SLC24A3: variants seen among roughly 807,000 people sequenced by gnomAD.
SLC24A3 encodes the protein solute carrier family 24 member 3.
A neutral mutation model predicts 75.8 loss-of-function variants in SLC24A3; 28 were observed. The observed-to-expected ratio is 0.37, with a 90% CI of 0.27 to 0.51. The LOEUF is 0.51. Among genes scored for constraint, SLC24A3 ranks in the 20% least tolerant of loss-of-function variants. SLC24A3 has a pLI of 0.94. For synonymous variants in SLC24A3, 372 were observed against 334.1 expected, an observed-to-expected ratio of 1.11 and a Z score of -1.24; for missense variants, 663 against 847.8, an observed-to-expected ratio of 0.78 and a Z score of 2.71.
At chr20:19,327,692 G>A (rs559059314) in intron 2 of SLC24A3, among the ~76,000 whole-genome samples, 19 of 152,352 alleles carry the variant, frequency 1.2e-4, no homozygotes, top group Admixed American at 5.9e-4. Context: ...GCCTCAGGAC[G>A]CCTGTGGCTT....
intron 2 of SLC24A3, among the ~76,000 whole-genome samples, chr20:19,387,022 A>G (rs1986283891): frequency 6.6e-6 from 1 of 151,860 alleles, no homozygotes; most frequent in South Asian, 2.1e-4. Flanking sequence ...CAATCTCCTT[A>G]CTCGTTATTG....
chr20:19,652,499 T>C (rs1002288563), intron 6 of SLC24A3, among the ~76,000 whole-genome samples: 2 of 152,158 alleles, frequency 1.3e-5, no homozygotes, highest in African/African-American at 4.8e-5. Flanking sequence ...GAAAAAAGGG[T>C]AAAGAATACT....
At chr20:19,553,008 C>T (rs1027760331) in intron 3 of SLC24A3, among the ~76,000 whole-genome samples, 6 of 151,634 alleles carry the variant, frequency 4.0e-5, no homozygotes, top group African/African-American at 1.2e-4. Context: ...CCCTCGTTCC[C>T]TCCATCCCTC....
intron 2 of SLC24A3, among the ~76,000 whole-genome samples, chr20:19,362,026 T>C (rs911775721): frequency 6.6e-6 from 1 of 152,182 alleles, no homozygotes; most frequent in Non-Finnish European, 1.5e-5. Flanking sequence ...TTTAGAAATC[T>C]TAAGTTCTGG....
rs547048402 is a variant in SLC24A3, at chr20:19,373,540, A to T, written c.271+92453A>T. 4.6e-5 allele frequency among the ~76,000 whole-genome samples: 7 copies of T among 152,298 alleles called. No homozygotes were observed. The East Asian group carries it at 1.4e-3, about 29-fold the overall frequency. ...TGTCTGGGATGATTCCTAACTCTTG[A>T]GGGACACTGAGCCCATGGAGGATCT... On this transcript the variant is annotated intron_variant, in intron 2 of 16. Coordinates refer to ENST00000328041, the MANE Select transcript of SLC24A3 (RefSeq NM_020689.4).
intron 9 of SLC24A3, among the ~76,000 whole-genome samples, chr20:19,679,063 C>G (rs997117302): frequency 6.6e-5 from 10 of 151,400 alleles, no homozygotes; most frequent in African/African-American, 1.2e-4. Flanking sequence ...AGACGATGGG[C>G]GGCCAGGCAG....
chr20:19,325,967 G>A (rs574475743), intron 2 of SLC24A3, among the ~76,000 whole-genome samples: 91 of 151,878 alleles, frequency 6.0e-4, no homozygotes, highest in African/African-American at 2.1e-3. Flanking sequence ...ACGAAACAAC[G>A]TTTTGACTGC....
intron 6 of SLC24A3, among the ~76,000 whole-genome samples, chr20:19,614,484 T>A (rs916049220): frequency 1.3e-5 from 2 of 152,194 alleles, no homozygotes; most frequent in African/African-American, 4.8e-5. Context: ...GCCCATTGAT[T>A]CTCCTTCCTC....
At chr20:19,543,196 G>A (rs1426250506) in intron 3 of SLC24A3, among the ~76,000 whole-genome samples, 2 of 152,106 alleles carry the variant, frequency 1.3e-5, no homozygotes, top group Non-Finnish European at 2.9e-5. Context: ...AGATGAAATC[G>A]CTTCTTCAAG....
intron 2 of SLC24A3, among the ~76,000 whole-genome samples, chr20:19,374,018 A>AT (rs1986036458): frequency 6.6e-6 from 1 of 152,118 alleles, no homozygotes; most frequent in Non-Finnish European, 1.5e-5. Flanking sequence ...ACTAATGTCC[A>AT]TTTTTCACAG....
At chr20:19,497,344 T>C (rs184866842) in intron 2 of SLC24A3, among the ~76,000 whole-genome samples, 19 of 152,268 alleles carry the variant, frequency 1.2e-4, no homozygotes, top group Admixed American at 1.2e-3. Context: ...TGGAGAAAGA[T>C]ACTTACCGCA....
At chr20:19,538,947 A>G (rs2030448807) in intron 3 of SLC24A3, among the ~76,000 whole-genome samples, 1 of 152,248 alleles carries the variant, frequency 6.6e-6, no homozygotes, top group African/African-American at 2.4e-5. Flanking sequence ...ATGATCCACA[A>G]CTGCATACAA....
intron 12 of SLC24A3, among the ~76,000 whole-genome samples, chr20:19,689,489 T>C (rs1406875668): frequency 2.0e-5 from 3 of 152,182 alleles, no homozygotes; most frequent in African/African-American, 4.8e-5. Context: ...ACACATCAGG[T>C]CCATGGTCAG....
chr20:19,626,497 T>C (rs1321348), intron 6 of SLC24A3, among the ~76,000 whole-genome samples: 132,005 of 152,232 alleles, frequency 0.87, 57,656 homozygotes, highest in African/African-American at 0.96. Flanking sequence ...AATCCACCTT[T>C]AGAGTAACTA....
intron 2 of SLC24A3, among the ~76,000 whole-genome samples, chr20:19,322,476 A>C (rs1243329145): frequency 6.6e-6 from 1 of 150,828 alleles, no homozygotes; most frequent in African/African-American, 2.4e-5. Flanking sequence ...TTGGTTTTCA[A>C]ATTGTCCCAA....
At chr20:19,715,777 C>T (rs188741296) in intron 15 of SLC24A3, among the ~76,000 whole-genome samples, 1 of 152,150 alleles carries the variant, frequency 6.6e-6, no homozygotes, top group South Asian at 2.1e-4. Flanking sequence ...CACTCCTACT[C>T]GATAATTACC....
intron 8 of SLC24A3, among the ~76,000 whole-genome samples, chr20:19,667,676 C>T (rs939060594): frequency 1.6e-4 from 25 of 152,168 alleles, no homozygotes; most frequent in African/African-American, 6.0e-4. Flanking sequence ...TCTTTTCTAC[C>T]ACCTCCATGG....
intron 6 of SLC24A3, among the ~76,000 whole-genome samples, chr20:19,620,995 C>G (rs1466375640): frequency 6.6e-6 from 1 of 152,202 alleles, no homozygotes; most frequent in Non-Finnish European, 1.5e-5. Flanking sequence ...CTGCCAGATT[C>G]TTTTTGGAAT....
chr20:19,293,787 CT>C (rs1356208190), intron 2 of SLC24A3, among the ~76,000 whole-genome samples: 4 of 151,714 alleles, frequency 2.6e-5, no homozygotes, highest in Non-Finnish European at 2.9e-5. Context: ...TATAGAATTA[CT>C]GTCCCATCAA....
Sources: gnomAD v4.1 joint callset for allele counts (sites outside exome capture counted in the v4.1 genomes callset) on GRCh38, gnomAD v4.1.1 for gene constraint, MANE v1.5 for transcripts, NCBI Gene and HGNC (gene_info 2026-07-23, HGNC 2026-07-21) for gene names.